SHISA8: variants seen among roughly 807,000 people sequenced by gnomAD.
SHISA8 encodes shisa family member 8.
Under a neutral mutation model 21.1 loss-of-function variants are expected in SHISA8, and 21 were observed. That is an observed-to-expected ratio of 0.99 (90% confidence interval 0.71 to 1.43). The LOEUF is 1.43. Among genes scored for constraint, SHISA8 ranks in the 40% most tolerant of loss-of-function variants. The pLI is 0.00. For synonymous variants in SHISA8, 300 were observed against 291.4 expected (o/e 1.03, Z -0.30); for missense variants, 535 against 599.1 (o/e 0.89, Z 1.12).
chr22:41,910,276 C>A lies in SHISA8; in HGVS notation c.812-129G>T. 8.1e-7 allele frequency: 1 copy of A among 1,227,212 alleles called. No homozygotes were observed. The highest frequency in any genetic ancestry group is 1.0e-6 in the Non-Finnish European group (1 of 983,344). The allele number at this position is 1,227,212 out of a possible 1,614,324, so 76.0% of individuals were successfully genotyped here. On this transcript the variant is annotated intron_variant, in intron 3 of 3. Coordinates refer to ENST00000621082, the MANE Select transcript of SHISA8 (RefSeq NM_001207020.3). This position sits in a 1 kb window ranked among gnomAD's most constrained non-coding sequence, Gnocchi z 6.8. ...GGGCCGGGGGCGGGGCCCGCTGGGG[C>A]GAGGGAGCCGATTGGCCGAGCGGCG... is the stretch of plus-strand genomic sequence containing the variant.
Position 41,914,082 on chromosome 22 carries a change from G to A in SHISA8, c.530+56C>T. ...TTCGAGAGCGGCGGGAAGGATCAGC[G>A]GGCAGGGAGAGCAGTCCGAGGAGCA... On this transcript the variant is annotated intron_variant, in intron 1 of 3. Coordinates refer to ENST00000621082, the MANE Select transcript of SHISA8 (RefSeq NM_001207020.3). This position sits in a 1 kb window ranked among gnomAD's most constrained non-coding sequence, Gnocchi z 6.8. 3.0e-6 allele frequency: 4 copies of A among 1,317,420 alleles called. No homozygotes were observed. Among genetic ancestry groups the A allele is most frequent in the Non-Finnish European group, 3.9e-6 (4 of 1,034,152 alleles). The allele number at this position is 1,317,420 out of a possible 1,614,324, so 81.6% of individuals were successfully genotyped here. A position where few individuals can be genotyped will look rare whatever the true frequency, so the allele number is the denominator to read the frequency against.
At position 41,914,480 on chromosome 22, in the gene SHISA8, T is replaced by A. The variant is rs1401855893; in HGVS notation, c.188A>T (p.Tyr63Phe). 5.3e-6 allele frequency: 7 copies of A among 1,310,060 alleles called. No homozygotes were observed. Among genetic ancestry groups the A allele is most frequent in the Non-Finnish European group, 6.8e-6 (7 of 1,026,154 alleles). 81.2% of individuals were successfully genotyped at this position (1,310,060 alleles called of 1,614,324 possible). ...GTCCCACTGGCCCATCACGTCGTAG[T>A]AGCCGCGGCAGCGGTCGCCCCCCTC... is the stretch of plus-strand genomic sequence containing the variant. ...APEGGDRCRG[Y>F]YDVMGQWDPP... is the part of the protein sequence containing the mutation. The change falls in exon 1 of 4, where the codon TAC becomes TTC. Residue 63 changes from tyrosine to phenylalanine, a missense_variant. Tyr to Phe is a conservative substitution (Grantham distance 22). Coordinates refer to ENST00000621082, the MANE Select transcript of SHISA8 (RefSeq NM_001207020.3). This position sits in a 1 kb window ranked among gnomAD's most constrained non-coding sequence, Gnocchi z 6.8.
intron 2 of SHISA8, 136 bp downstream of exon 2, chr22:41,911,080 G>C (rs1482744461): frequency 8.7e-7 from 1 of 1,144,262 alleles, no homozygotes; most frequent in East Asian, 3.2e-5. Flanking sequence ...CTGGCCGGTC[G>C]GGCCCCTCAC....
chr22:41,914,028 G>C lies in SHISA8; in HGVS notation c.530+110C>G. On this transcript the variant is annotated intron_variant, in intron 1 of 3. Transcript: ENST00000621082. This position sits in a 1 kb window ranked among gnomAD's most constrained non-coding sequence, Gnocchi z 6.8. Reference sequence around the variant, plus strand: ...GGGGAGAAGGAGACAGGAAAACCCAGAGAAGGGGCCTGCTGGGAGAACCAG... The same window carrying C: ...GGGGAGAAGGAGACAGGAAAACCCACAGAAGGGGCCTGCTGGGAGAACCAG... 8.3e-7 allele frequency: 1 copy of C among 1,209,488 alleles called. No homozygotes were observed. The highest frequency in any genetic ancestry group is 1.1e-6 in the Non-Finnish European group (1 of 947,026). 74.9% of individuals were successfully genotyped at this position (1,209,488 alleles called of 1,614,324 possible).
chr22:41,914,770 G>C lies in SHISA8; in HGVS notation c.-103C>G. ...CGCAGGGATCGCGCTGGCTCCCGGCGCACGCCGCCTCGGCCGTCGGCCTCC... is the reference window on the plus strand; with the variant it reads ...CGCAGGGATCGCGCTGGCTCCCGGCCCACGCCGCCTCGGCCGTCGGCCTCC... On this transcript the variant is annotated 5_prime_UTR_variant, in exon 1 of 4. Coordinates refer to ENST00000621082, the MANE Select transcript of SHISA8 (RefSeq NM_001207020.3). The surrounding 1 kb of genome is among the most constrained non-coding windows in gnomAD (Gnocchi z 6.8). 2 of 882,452 alleles carry C rather than the reference G, an allele frequency of 2.3e-6. No individual in the cohort carries two copies. Among genetic ancestry groups the C allele is most frequent in the Non-Finnish European group, 2.7e-6 (2 of 735,348 alleles). 54.7% of individuals were successfully genotyped at this position (882,452 alleles called of 1,614,324 possible). A position where few individuals can be genotyped will look rare whatever the true frequency, so the allele number is the denominator to read the frequency against.
At position 41,910,520 on chromosome 22, in the gene SHISA8, C is replaced by G; in HGVS notation, c.699G>C (p.Ser233=). Residue 233 remains serine, a synonymous_variant, in exon 3 of 4, where the codon TCG becomes TCC. Coordinates refer to ENST00000621082, the MANE Select transcript of SHISA8 (RefSeq NM_001207020.3). This position sits in a 1 kb window ranked among gnomAD's most constrained non-coding sequence, Gnocchi z 6.8. ...KKRLNNAPRG[S]AAPGPPRGPR... ...GGCCGCGCGGGGGCCCCGGGGCGGC[C>G]GACCCCCGGGGCGCGTTGTTGAGGC... The G allele has an allele frequency of 8.0e-6, 10 of 1,247,136 alleles. No homozygotes were observed. The highest frequency in any genetic ancestry group is 1.0e-5 in the Non-Finnish European group (10 of 1,000,110). 77.3% of individuals were successfully genotyped at this position (1,247,136 alleles called of 1,614,324 possible). A position where few individuals can be genotyped will look rare whatever the true frequency, so the allele number is the denominator to read the frequency against.
Position 41,909,694 on chromosome 22 carries a change from T to A in SHISA8, c.*71A>T. The stretch of plus-strand genomic sequence containing the variant: ...GCTGGCCTTACGGCAGGCGCTCCTC[T>A]CCCTGTGGCCTGAGGCTCCGACGGG... On this transcript the variant is annotated 3_prime_UTR_variant, in exon 4 of 4. Transcript: ENST00000621082. The A allele has an allele frequency of 7.5e-7, 1 of 1,330,598 alleles. No individual in the cohort carries two copies. The highest frequency in any genetic ancestry group is 3.7e-5 in the Admixed American group (1 of 27,368). The allele number at this position is 1,330,598 out of a possible 1,614,324, so 82.4% of individuals were successfully genotyped here.
chr22:41,911,194 G>GCC, intron 2 of SHISA8, 22 bp downstream of exon 2: 1 of 1,266,902 alleles, frequency 7.9e-7, no homozygotes, highest in Non-Finnish European at 9.9e-7. Context: ...CCGCCGCTCA[G>GCC]CCCCGCCCGC....
rs1160750509 is a variant in SHISA8, at chr22:41,910,685, C to CA, written c.665-132_665-131insT. The CA allele has an allele frequency of 1.8e-6, 2 of 1,086,108 alleles. No homozygotes were observed. Among genetic ancestry groups the CA allele is most frequent in the Non-Finnish European group, 1.2e-6 (1 of 863,292 alleles). The allele number at this position is 1,086,108 out of a possible 1,614,324, so 67.3% of individuals were successfully genotyped here. On this transcript the variant is annotated intron_variant, in intron 2 of 3. Coordinates refer to ENST00000621082, the MANE Select transcript of SHISA8 (RefSeq NM_001207020.3). The surrounding 1 kb of genome is among the most constrained non-coding windows in gnomAD (Gnocchi z 6.8). Reference sequence around the variant, plus strand: ...GGGGACCGTTCTCCGGGCGAGGCTGCGAGCCAAGCCTGTCTTCGCCGCAGC... The same window carrying CA: ...GGGGACCGTTCTCCGGGCGAGGCTGCAGAGCCAAGCCTGTCTTCGCCGCAGC...
At position 41,911,276 on chromosome 22, in the gene SHISA8, CACCCAGGGGTGG is replaced by C. The variant is rs2146575180; in HGVS notation, c.592_603del (p.Pro198_Gly201del). On this transcript the variant is annotated inframe_deletion, in exon 2 of 4. Transcript: ENST00000621082. ...TCCCCCATCTGCACCTGGACACAGC[CACCCAGGGGTGG>C]GCCCAGGGTGGGAGGCAGTGGCTCC... 9 of 1,260,408 alleles carry C rather than the reference CACCCAGGGGTGG, an allele frequency of 7.1e-6. No homozygotes were observed. The highest frequency in any genetic ancestry group is 2.1e-4 in the Middle Eastern group (1 of 4,654). The allele number at this position is 1,260,408 out of a possible 1,614,324, so 78.1% of individuals were successfully genotyped here. A position where few individuals can be genotyped will look rare whatever the true frequency, so the allele number is the denominator to read the frequency against.
rs1436305314 is a variant in SHISA8 at position 41,910,063 on chromosome 22, G to A, written c.896C>T (p.Ser299Phe). The A allele has an allele frequency of 8.0e-7, 1 of 1,243,608 alleles. No homozygotes were observed. The highest frequency in any genetic ancestry group is 1.0e-6 in the Non-Finnish European group (1 of 997,368). 77.0% of individuals were successfully genotyped at this position (1,243,608 alleles called of 1,614,324 possible). The change falls in exon 4 of 4, where the codon TCC becomes TTC. Residue 299 changes from serine to phenylalanine, a missense_variant. By Grantham distance (155) the Ser-to-Phe change is radical. Transcript: ENST00000621082. This position sits in a 1 kb window ranked among gnomAD's most constrained non-coding sequence, Gnocchi z 6.8. Reference protein sequence around the residue: ...RQPPARAPRPSPDLPAPLDAC... With the variant: ...RQPPARAPRPFPDLPAPLDAC... The stretch of plus-strand genomic sequence containing the variant: ...GTCCAGCGGCGCAGGCAAGTCCGGG[G>A]ATGGTCGCGGAGCCCGCGCCGGGGG...
At position 41,910,637 on chromosome 22, in the gene SHISA8, C is replaced by A; in HGVS notation, c.665-83G>T. ...TGTCACCTCTCCGTAGTCCTCTCCCCGAGGCCGTTCGGTGAGAACCTGGGG... is the reference window on the plus strand; with the variant it reads ...TGTCACCTCTCCGTAGTCCTCTCCCAGAGGCCGTTCGGTGAGAACCTGGGG... On this transcript the variant is annotated intron_variant, in intron 2 of 3. Transcript: ENST00000621082. This position sits in a 1 kb window ranked among gnomAD's most constrained non-coding sequence, Gnocchi z 6.8. The A allele has an allele frequency of 8.3e-7, 1 of 1,204,788 alleles. No homozygotes were observed. Among genetic ancestry groups the A allele is most frequent in the Non-Finnish European group, 1.0e-6 (1 of 969,512 alleles). The allele number at this position is 1,204,788 out of a possible 1,614,324, so 74.6% of individuals were successfully genotyped here. A position where few individuals can be genotyped will look rare whatever the true frequency, so the allele number is the denominator to read the frequency against.
Position 41,910,518 on chromosome 22 carries a change from G to A in SHISA8, c.701C>T (p.Ala234Val). 1 of 1,247,854 alleles carries A rather than the reference G, an allele frequency of 8.0e-7. No homozygotes were observed. The highest frequency in any genetic ancestry group is 1.0e-6 in the Non-Finnish European group (1 of 1,000,550). 77.3% of individuals were successfully genotyped at this position (1,247,854 alleles called of 1,614,324 possible). Reference protein sequence around the residue: ...KRLNNAPRGSAAPGPPRGPRL... With the variant: ...KRLNNAPRGSVAPGPPRGPRL... Reference sequence around the variant, plus strand: ...CGGGCCGCGCGGGGGCCCCGGGGCGGCCGACCCCCGGGGCGCGTTGTTGAG... The same window carrying A: ...CGGGCCGCGCGGGGGCCCCGGGGCGACCGACCCCCGGGGCGCGTTGTTGAG... The change falls in exon 3 of 4, where the codon GCC (alanine) becomes GTC (valine). Residue 234 changes from alanine to valine, a missense_variant. By Grantham distance (64) the Ala-to-Val change is moderately conservative. Transcript: ENST00000621082. This position sits in a 1 kb window ranked among gnomAD's most constrained non-coding sequence, Gnocchi z 6.8.
At chr22:41,912,622 A>G (rs1478850920) in intron 1 of SHISA8, among the ~76,000 whole-genome samples, 1 of 152,100 alleles carries the variant, frequency 6.6e-6, no homozygotes, top group Non-Finnish European at 1.5e-5. Context: ...CTGGCCTTCA[A>G]CCCCAACACA....
chr22:41,910,557 G>T lies in SHISA8; in HGVS notation c.665-3C>A. 2 of 1,226,182 alleles carry T rather than the reference G, an allele frequency of 1.6e-6. No homozygotes were observed. The highest frequency in any genetic ancestry group is 2.0e-6 in the Non-Finnish European group (2 of 984,170). 76.0% of individuals were successfully genotyped at this position (1,226,182 alleles called of 1,614,324 possible). A position where few individuals can be genotyped will look rare whatever the true frequency, so the allele number is the denominator to read the frequency against. On this transcript the variant is annotated splice_region_variant and splice_polypyrimidine_tract_variant and intron_variant, in intron 2 of 3. Coordinates refer to ENST00000621082, the MANE Select transcript of SHISA8 (RefSeq NM_001207020.3). This position sits in a 1 kb window ranked among gnomAD's most constrained non-coding sequence, Gnocchi z 6.8. ...CGCGTTGTTGAGGCGCTTCTTGTCT[G>T]GAGCGAGGAGTGAGACGCGGCTCGG... is the stretch of plus-strand genomic sequence containing the variant.
chr22:41,912,553 C>G (rs1290457554), intron 1 of SHISA8, among the ~76,000 whole-genome samples: 3 of 152,180 alleles, frequency 2.0e-5, no homozygotes, highest in Non-Finnish European at 4.4e-5. Flanking sequence ...CACCACGCCT[C>G]TGGGCCTTTG....
Position 41,909,868 on chromosome 22 carries a change from T to C in SHISA8, c.1091A>G (p.Lys364Arg), listed in dbSNP as rs2077535426. 1.3e-6 allele frequency: 2 copies of C among 1,530,740 alleles called. No homozygotes were observed. The highest frequency in any genetic ancestry group is 2.5e-5 in the East Asian group (1 of 40,450). The allele number at this position is 1,530,740 out of a possible 1,614,324, so 94.8% of individuals were successfully genotyped here. A position where few individuals can be genotyped will look rare whatever the true frequency, so the allele number is the denominator to read the frequency against. The stretch of plus-strand genomic sequence containing the variant: ...CTGCGGGTTGAAGGTCTCAGGCATC[T>C]TCACACTGAACTGGCGCCGGGCCGC... ...GHAARRQFSV[K>R]MPETFNPQLP... Residue 364 changes from lysine (K) to arginine (R), a missense_variant, in exon 4 of 4, where the codon AAG becomes AGG. Coordinates refer to ENST00000621082, the MANE Select transcript of SHISA8 (RefSeq NM_001207020.3).
chr22:41,912,993 G>A (rs1167133846), intron 1 of SHISA8, among the ~76,000 whole-genome samples: 2 of 152,220 alleles, frequency 1.3e-5, no homozygotes, highest in Non-Finnish European at 2.9e-5. Flanking sequence ...CATCATGGGG[G>A]ACCCCCAAAT....
At position 41,910,389 on chromosome 22, in the gene SHISA8, G is replaced by T; in HGVS notation, c.811+19C>A. ...TCGTGCGCCCAGGTGCCCTGACGCT[G>T]CCCGCACCCGCCACTCACCTGCGGC... is the stretch of plus-strand genomic sequence containing the variant. On this transcript the variant is annotated intron_variant, in intron 3 of 3. Coordinates refer to ENST00000621082, the MANE Select transcript of SHISA8 (RefSeq NM_001207020.3). This position sits in a 1 kb window ranked among gnomAD's most constrained non-coding sequence, Gnocchi z 6.8. 1 of 1,297,256 alleles carries T rather than the reference G, an allele frequency of 7.7e-7. No individual in the cohort carries two copies. Among genetic ancestry groups the T allele is most frequent in the Non-Finnish European group, 9.8e-7 (1 of 1,022,874 alleles). 80.4% of individuals were successfully genotyped at this position (1,297,256 alleles called of 1,614,324 possible).
Sources: gnomAD v4.1 joint callset for allele counts (sites outside exome capture counted in the v4.1 genomes callset) on GRCh38, gnomAD v4.1.1 for gene constraint, Gnocchi (gnomAD v3.1) non-coding constraint, MANE v1.5 for transcripts, NCBI Gene and HGNC (gene_info 2026-07-23, HGNC 2026-07-21) for gene names.